SETD7: variants seen among roughly 807,000 people sequenced by gnomAD.
SETD7 encodes the protein histone-lysine N-methyltransferase SETD7.
A neutral mutation model predicts 41.8 loss-of-function variants in SETD7; 16 were observed. The ratio of observed to expected loss-of-function variants is 0.38; its 90% CI spans 0.26 to 0.58. The LOEUF (loss-of-function observed/expected upper bound fraction) is 0.58. SETD7 is among the 20% of genes least tolerant of loss of function. The pLI is 0.64. For synonymous variants in SETD7, 163 were observed against 169.7 expected (o/e 0.96, Z 0.31); for missense variants, 346 against 459.7 (o/e 0.75, Z 2.26).
Position 139,533,372 on chromosome 4 carries a change from A to T in SETD7, c.171-6T>A, listed in dbSNP as rs756261161. ...CATAATACCCCTCCAGGGTGCTGTG[A>T]GGAAAGGAAAAACAAAAAGGAATAG... On this transcript the variant is annotated splice_region_variant and splice_polypyrimidine_tract_variant and intron_variant, in intron 2 of 7. Transcript: ENST00000274031. The T allele has an allele frequency of 1.9e-6, 3 of 1,611,398 alleles. No homozygotes were observed. Among genetic ancestry groups the T allele is most frequent in the Admixed American group, 3.4e-5 (2 of 59,544 alleles).
chr4:139,511,517 T>C lies in SETD7; in HGVS notation c.*146A>G. 1 of 1,456,814 alleles carries C rather than the reference T, an allele frequency of 6.9e-7. No homozygotes were observed. Among genetic ancestry groups the C allele is most frequent in the South Asian group, 1.2e-5 (1 of 80,472 alleles). The allele number at this position is 1,456,814 out of a possible 1,614,324, so 90.2% of individuals were successfully genotyped here. A position where few individuals can be genotyped will look rare whatever the true frequency, so the allele number is the denominator to read the frequency against. ...TATGAGTAATACAGTCAAACCTAGT[T>C]AGTATGCGAGAAAGTCGTTGCTAAC... On this transcript the variant is annotated 3_prime_UTR_variant, in exon 8 of 8. Transcript: ENST00000274031.
chr4:139,520,416 A>G, intron 5 of SETD7, 22 bp from the exon 6 acceptor site: 5 of 1,418,688 alleles, frequency 3.5e-6, no homozygotes, highest in Middle Eastern at 1.8e-4. Flanking sequence ...AAAGAGTTGA[A>G]TAGTGACCTT....
At position 139,555,003 on chromosome 4, in the gene SETD7, T is replaced by C. The variant is rs1728215461; in HGVS notation, c.40+1095A>G. ...AAATTATTTACTCACATGCTTAGTT[T>C]AAAACATTCTGGTATCATACCACAC... On this transcript the variant is annotated intron_variant, in intron 1 of 7. Transcript: ENST00000274031. The surrounding 1 kb of genome is among the most constrained non-coding windows in gnomAD (Gnocchi z 4.0). 1.3e-5 allele frequency among the ~76,000 whole-genome samples: 2 copies of C among 152,174 alleles called. No individual in the cohort carries two copies. Among genetic ancestry groups the C allele is most frequent in the Non-Finnish European group, 2.9e-5 (2 of 68,028 alleles).
intron 2 of SETD7, among the ~76,000 whole-genome samples, chr4:139,545,473 C>A (rs1204285879): frequency 6.6e-6 from 1 of 152,144 alleles, no homozygotes; most frequent in East Asian, 1.9e-4. Context: ...CAAGTATCCA[C>A]CCAAAAGAAA....
downstream of SETD7, among the ~76,000 whole-genome samples, chr4:139,503,179 GAAAAAAAAAAA>G (rs11388022): frequency 5.5e-4 from 40 of 73,166 alleles, 1 homozygote; most frequent in Admixed American, 1.3e-3. Flanking sequence ...CTCTGTCTCA[GAAAAAAAAAAA>G]AAAAAAAAAA....
At chr4:139,556,072 C>T in intron 1 of SETD7, 26 bp downstream of exon 1, 1 of 1,583,138 alleles carries the variant, frequency 6.3e-7, no homozygotes, top group Non-Finnish European at 8.6e-7. Context: ...GCGCCTCCTC[C>T]CCCGGCCCCG....
chr4:139,523,774 G>C (rs534989330), intron 4 of SETD7, among the ~76,000 whole-genome samples: 2 of 152,124 alleles, frequency 1.3e-5, no homozygotes, highest in South Asian at 4.1e-4. Flanking sequence ...ATTGGATGAT[G>C]GTTTTAAATT....
chr4:139,511,767 C>T lies in SETD7; in HGVS notation c.997G>A (p.Val333Ile), dbSNP rs1325953785. 27 of 1,613,992 alleles carry T rather than the reference C, an allele frequency of 1.7e-5. No homozygotes were observed. The highest frequency in any genetic ancestry group is 1.6e-4 in the Middle Eastern group (1 of 6,084). Residue 333 changes from valine to isoleucine, a missense_variant, in exon 8 of 8, where the codon GTT (valine) becomes ATT (isoleucine). Physicochemically the swap from Val to Ile is conservative, Grantham distance 29. Coordinates refer to ENST00000274031, the MANE Select transcript of SETD7 (RefSeq NM_030648.4). Reference protein sequence around the residue: ...RAVEADEELTVAYGYDHSPPG... With the variant: ...RAVEADEELTIAYGYDHSPPG... ...GGGCTGTGGTCATAGCCATAGGCAA[C>T]GGTGAGCTCTTCATCGGCCTCCACT...
intron 3 of SETD7, 71 bp downstream of exon 3, chr4:139,533,094 A>G: frequency 7.3e-7 from 1 of 1,374,554 alleles, no homozygotes; most frequent in South Asian, 1.2e-5. Context: ...AACACAGAAT[A>G]CATTTTACTC....
chr4:139,535,580 T>C (rs1490069185), intron 2 of SETD7, among the ~76,000 whole-genome samples: 1 of 152,156 alleles, frequency 6.6e-6, no homozygotes, highest in Non-Finnish European at 1.5e-5. Context: ...CTTGCAGACA[T>C]TTCCCCCAAC....
At chr4:139,519,621 A>G (rs916964219) in intron 6 of SETD7, among the ~76,000 whole-genome samples, 1 of 152,276 alleles carries the variant, frequency 6.6e-6, no homozygotes, top group Non-Finnish European at 1.5e-5. Flanking sequence ...GAATAAATGC[A>G]AAGGTGAACA....
At chr4:139,523,512 G>T in intron 4 of SETD7, 77 bp from the exon 5 acceptor site, 1 of 1,062,330 alleles carries the variant, frequency 9.4e-7, no homozygotes, top group South Asian at 1.5e-5. Flanking sequence ...CTATTCATGG[G>T]ACAACGAAGA....
chr4:139,523,863 G>A (rs1727246931), intron 4 of SETD7, among the ~76,000 whole-genome samples: 1 of 152,172 alleles, frequency 6.6e-6, no homozygotes, highest in African/African-American at 2.4e-5. Context: ...CCTTCACTAA[G>A]AATAAAATTC....
chr4:139,548,869 TA>T (rs1405967123), intron 1 of SETD7, among the ~76,000 whole-genome samples: 2 of 152,202 alleles, frequency 1.3e-5, no homozygotes, highest in African/African-American at 4.8e-5. Flanking sequence ...AGAAGGGAAC[TA>T]GGCCATAATT....
intron 7 of SETD7, 91 bp from the exon 8 acceptor site, chr4:139,511,934 A>G: frequency 1.3e-6 from 2 of 1,505,814 alleles, no homozygotes; most frequent in South Asian, 2.7e-5. Context: ...AATCACCCCC[A>G]GGCACTCTTC....
intron 2 of SETD7, 80 bp from the exon 3 acceptor site, chr4:139,533,446 C>A (rs958283779): frequency 1.6e-6 from 2 of 1,224,040 alleles, no homozygotes; most frequent in Non-Finnish European, 1.2e-6. Context: ...ATCCAAGGAA[C>A]TGCATGCCCA....
intron 2 of SETD7, among the ~76,000 whole-genome samples, chr4:139,538,471 A>G (rs1727699597): frequency 6.6e-6 from 1 of 152,156 alleles, no homozygotes; most frequent in Non-Finnish European, 1.5e-5. Context: ...CTGGGATTAC[A>G]GGTGTGTGCC....
intron 2 of SETD7, among the ~76,000 whole-genome samples, chr4:139,535,395 A>G (rs1399256078): frequency 6.6e-6 from 1 of 152,128 alleles, no homozygotes; most frequent in Non-Finnish European, 1.5e-5. Flanking sequence ...CTAGATTTTT[A>G]TTTGCTCATC....
chr4:139,529,273 A>T, intron 3 of SETD7, 53 bp from the exon 4 acceptor site: 1 of 1,451,440 alleles, frequency 6.9e-7, no homozygotes. Flanking sequence ...TGTCTAGGAC[A>T]TGAGTCCCAA....
Sources: gnomAD v4.1 joint callset for allele counts (sites outside exome capture counted in the v4.1 genomes callset) on GRCh38, gnomAD v4.1.1 for gene constraint, Gnocchi (gnomAD v3.1) non-coding constraint, MANE v1.5 for transcripts, NCBI Gene and HGNC (gene_info 2026-07-23, HGNC 2026-07-21) for gene names.